The following DMD variants were observed in gnomAD, a reference collection of about 807,000 sequenced individuals.
The protein encoded by DMD is mutant dystrophin.
A neutral mutation model predicts 330.1 loss-of-function variants in DMD; 63 were observed. The observed-to-expected ratio is 0.19, with a 90% confidence interval of 0.16 to 0.24. The LOEUF (loss-of-function observed/expected upper bound fraction) is 0.24, where lower values mean the gene tolerates loss of function less well. DMD is among the 10% of genes least tolerant of loss of function. The probability of loss-of-function intolerance (pLI) is 1.00; values close to 1 mark genes in which losing one functional copy is unlikely to be tolerated. For synonymous variants in DMD, 1,223 were observed against 959.8 expected, an observed-to-expected ratio of 1.27 and a Z score of -5.07; for missense variants, 3,344 against 2,684.1, an observed-to-expected ratio of 1.25 and a Z score of -5.43.
At chrX:32,639,368 C>T (rs2059302890) in intron 11 of DMD, among the ~76,000 whole-genome samples, 1 of 111,046 alleles carries the variant, frequency 9.0e-6, no homozygotes, top group Admixed American at 9.6e-5. Context: ...CAAGTGTATT[C>T]CACAGCATTA....
At chrX:31,220,347 C>T (rs1169709331) in intron 64 of DMD, among the ~76,000 whole-genome samples, 1 of 111,388 alleles carries the variant, frequency 9.0e-6, no homozygotes, top group Admixed American at 9.5e-5. Flanking sequence ...TTGAACTCAC[C>T]ACACCACTTC....
At chrX:32,779,261 CACAG>C (rs200368343) in intron 7 of DMD, among the ~76,000 whole-genome samples, 52 of 104,730 alleles carry the variant, frequency 5.0e-4, no homozygotes, top group African/African-American at 1.9e-3. Context: ...ACTGCACACA[CACAG>C]AGAGTCATTA....
chrX:32,362,213 C>T lies in DMD; in HGVS notation c.5325+575G>A, dbSNP rs759275213. 4.5e-5 allele frequency among the ~76,000 whole-genome samples: 5 copies of T among 111,266 alleles called. No individual in the cohort carries two copies. The Admixed American group carries it at 4.8e-4, about 11-fold the overall frequency. On this transcript the variant is annotated intron_variant, in intron 37 of 78. Transcript: ENST00000357033. ...CATGGCGTGATCATTTCATTATAGC[C>T]TAATGAATTTTGTCACAGTGTCTAC...
At chrX:31,610,423 A>C (rs2077846075) in intron 55 of DMD, among the ~76,000 whole-genome samples, 1 of 111,558 alleles carries the variant, frequency 9.0e-6, no homozygotes, top group South Asian at 3.7e-4. Context: ...ATTCACCATC[A>C]GTCAGGGGTG....
chrX:31,630,317 T>C (rs964787723), intron 54 of DMD, among the ~76,000 whole-genome samples: 2 of 112,108 alleles, frequency 1.8e-5, no homozygotes, highest in African/African-American at 6.5e-5. Flanking sequence ...TGGTCTGAAA[T>C]ATTGACAACA....
intron 1 of DMD, among the ~76,000 whole-genome samples, chrX:33,028,460 C>A (rs1240509465): frequency 1.8e-5 from 2 of 112,058 alleles, no homozygotes; most frequent in Non-Finnish European, 3.8e-5. Flanking sequence ...CTCCAGTGTA[C>A]TCCTCTAAAC....
intron 29 of DMD, among the ~76,000 whole-genome samples, chrX:32,430,317 G>C (rs2098232989): frequency 9.0e-6 from 1 of 111,256 alleles, no homozygotes; most frequent in Admixed American, 9.6e-5. Context: ...TATATAATGT[G>C]CTTTCTGTTT....
intron 42 of DMD, among the ~76,000 whole-genome samples, chrX:32,291,769 G>A (rs1023284096): frequency 1.8e-5 from 2 of 111,698 alleles, no homozygotes; most frequent in African/African-American, 6.5e-5. Flanking sequence ...GCATCAAACT[G>A]TAGATGTTCC....
intron 50 of DMD, among the ~76,000 whole-genome samples, chrX:31,816,390 A>G (rs1209069963): frequency 9.0e-6 from 1 of 111,387 alleles, no homozygotes; most frequent in African/African-American, 3.3e-5. Context: ...TACATCTATA[A>G]AAGAAGAATA....
chrX:31,447,036 C>T (rs1281315896), intron 59 of DMD, among the ~76,000 whole-genome samples: 1 of 111,324 alleles, frequency 9.0e-6, no homozygotes, highest in East Asian at 2.8e-4. Flanking sequence ...TTAGGTGACA[C>T]AATGTACATT....
chrX:31,768,162 C>T (rs993652410), intron 51 of DMD, among the ~76,000 whole-genome samples: 8 of 110,555 alleles, frequency 7.2e-5, no homozygotes, highest in South Asian at 3.8e-4. Context: ...CCTGGCCAAA[C>T]GGAATTGAAA....
chrX:32,603,223 T>A (rs2056379156), intron 12 of DMD, among the ~76,000 whole-genome samples: 2 of 111,143 alleles, frequency 1.8e-5, no homozygotes, highest in Admixed American at 1.9e-4. Flanking sequence ...ACTCCTTAAA[T>A]CTATACAAAT....
intron 7 of DMD, among the ~76,000 whole-genome samples, chrX:32,746,892 C>G (rs2070098580): frequency 9.0e-6 from 1 of 111,387 alleles, no homozygotes; most frequent in Admixed American, 9.6e-5. Flanking sequence ...CTTCTGCTAA[C>G]CACTATTCTA....
intron 44 of DMD, among the ~76,000 whole-genome samples, chrX:31,975,574 A>T (rs2095430154): frequency 8.9e-6 from 1 of 111,982 alleles, no homozygotes; most frequent in Non-Finnish European, 1.9e-5. Context: ...CTGGTTATAG[A>T]ACATGTGACT....
At chrX:32,472,559 TATAAGGTCAGGAAACAGAAAAACAG>T (rs1388367509) in intron 21 of DMD, among the ~76,000 whole-genome samples, 1 of 111,244 alleles carries the variant, frequency 9.0e-6, no homozygotes, top group Non-Finnish European at 1.9e-5. Flanking sequence ...CAATTCGTTT[TATAAGGTCAGGAAACAGAAAAACAG>T]ATAAGGGCAG....
chrX:32,538,363 A>G (rs1437410452), intron 17 of DMD, among the ~76,000 whole-genome samples: 1 of 111,350 alleles, frequency 9.0e-6, no homozygotes, highest in Non-Finnish European at 1.9e-5. Context: ...TCCTGGCTCA[A>G]AACCTCCCCC....
rs756110653 is a variant in DMD, at chrX:32,735,038, C to A, written c.650-35745G>T. ...ACCCCACTGTCTCAGCCTAAAATCT[C>A]CTTAAGCTGATAGGGAACTTCAGCA... On this transcript the variant is annotated intron_variant, in intron 7 of 78. Transcript: ENST00000357033. Among the ~76,000 whole-genome samples, 6 of 111,149 alleles carry A rather than the reference C, an allele frequency of 5.4e-5. No individual in the cohort carries two copies. In the South Asian group the frequency reaches 2.3e-3, roughly 43 times the overall value.
chrX:32,199,780 TTGTGTGTG>T (rs35897988), intron 44 of DMD, among the ~76,000 whole-genome samples: 44 of 84,138 alleles, frequency 5.2e-4, no homozygotes, highest in African/African-American at 1.2e-3. Flanking sequence ...CGCAAGGCTT[TTGTGTGTG>T]TGTGTGTGTG....
chrX:33,296,229 G>C (rs1342990739), intron 1 of DMD, among the ~76,000 whole-genome samples: 1 of 110,988 alleles, frequency 9.0e-6, no homozygotes, highest in Non-Finnish European at 1.9e-5. Context: ...CCAAGTTAAA[G>C]TAATCCATTG....
Sources: allele counts gnomAD v4.1 joint callset (sites outside exome capture counted in the v4.1 genomes callset), GRCh38; gene constraint gnomAD v4.1.1; transcripts MANE v1.5; gene names NCBI Gene and HGNC (gene_info 2026-07-23, HGNC 2026-07-21).